XKR9: variants seen among roughly 807,000 people sequenced by gnomAD.
XKR9 encodes the protein XK-related protein 9.
A neutral mutation model predicts 32.0 loss-of-function variants in XKR9; 32 were observed. The observed-to-expected ratio is 1.00, with a 90% CI of 0.76 to 1.34. XKR9 has a LOEUF of 1.34. XKR9 is among the 40% of genes most tolerant of loss of function. XKR9 has a pLI of 0.00. For missense variants in XKR9, 546 were observed against 429.7 expected (o/e 1.27, Z -2.39); for synonymous variants, 168 against 143.4 (o/e 1.17, Z -1.22).
chr8:70,768,406 G>A (rs1226033352), intron 2 of XKR9, among the ~76,000 whole-genome samples: 1 of 152,126 alleles, frequency 6.6e-6, no homozygotes, highest in African/African-American at 2.4e-5. Flanking sequence ...GTTGATTTGG[G>A]GTGGAGAGTT....
downstream of XKR9, among the ~76,000 whole-genome samples, chr8:70,793,820 T>C (rs1171662770): frequency 6.6e-6 from 1 of 151,978 alleles, no homozygotes; most frequent in Non-Finnish European, 1.5e-5. Context: ...TTTTTCAAGA[T>C]TTCTTTGCCT....
Position 70,734,263 on chromosome 8 carries a change from A to G in XKR9, c.961A>G (p.Ile321Val), listed in dbSNP as rs775332328. 2 of 1,612,800 alleles carry G rather than the reference A, an allele frequency of 1.2e-6. No individual in the cohort carries two copies. The highest frequency in any genetic ancestry group is 1.7e-6 in the Non-Finnish European group (2 of 1,179,276). Residue 321 changes from isoleucine (I) to valine (V), a missense_variant, in exon 5 of 5, where the codon ATC (isoleucine) becomes GTC (valine). Transcript: ENST00000408926. ...TTTTAATCCAGACTATTTTATACCTATCAGTATAACTATAGTTCTTACTCT... is the reference window on the plus strand; with the variant it reads ...TTTTAATCCAGACTATTTTATACCTGTCAGTATAACTATAGTTCTTACTCT... ...TIFNPDYFIP[I>V]SITIVLTLLL... is the part of the protein sequence containing the mutation.
At chr8:70,797,947 C>T in the XKR9 span, among the ~76,000 whole-genome samples, 8 of 152,116 alleles carry the variant, frequency 5.3e-5, no homozygotes, top group Non-Finnish European at 1.2e-4. Flanking sequence ...TTTATCCAGT[C>T]TATTATTGAT....
At chr8:70,866,023 C>T in the XKR9 span, among the ~76,000 whole-genome samples, 4 of 152,186 alleles carry the variant, frequency 2.6e-5, no homozygotes, top group Non-Finnish European at 4.4e-5. Flanking sequence ...GAGCTGGTCA[C>T]AGTAAAAGAT....
the XKR9 span, among the ~76,000 whole-genome samples, chr8:71,013,897 C>T: frequency 6.6e-6 from 1 of 152,114 alleles, no homozygotes; most frequent in Non-Finnish European, 1.5e-5. Context: ...AGTGTGCTGC[C>T]TCATGTGTGT....
At chr8:70,811,148 G>C in the XKR9 span, among the ~76,000 whole-genome samples, 2 of 152,054 alleles carry the variant, frequency 1.3e-5, no homozygotes, top group Non-Finnish European at 2.9e-5. Context: ...ACTCAAAACC[G>C]CTCAACTACA....
the XKR9 span, among the ~76,000 whole-genome samples, chr8:70,854,627 G>A: frequency 2.6e-5 from 4 of 152,148 alleles, no homozygotes; most frequent in Non-Finnish European, 1.5e-5. Flanking sequence ...TATTGCCCAG[G>A]TTTTCTTCTA....
At chr8:70,820,882 G>A in the XKR9 span, among the ~76,000 whole-genome samples, 1 of 151,978 alleles carries the variant, frequency 6.6e-6, no homozygotes, top group African/African-American at 2.4e-5. Flanking sequence ...ATTTGGGTGG[G>A]GACACAAAGC....
chr8:70,741,433 A>T (rs1806980328), intron 2 of XKR9, among the ~76,000 whole-genome samples: 2 of 152,186 alleles, frequency 1.3e-5, no homozygotes, highest in African/African-American at 4.8e-5. Context: ...TTTATAAATT[A>T]CCCAGTCCCT....
At chr8:71,060,724 C>T in the XKR9 span, among the ~76,000 whole-genome samples, 1 of 152,074 alleles carries the variant, frequency 6.6e-6, no homozygotes, top group Non-Finnish European at 1.5e-5. Flanking sequence ...TATCTGAGAG[C>T]CAATTGATAA....
At chr8:71,013,891 T>C in the XKR9 span, among the ~76,000 whole-genome samples, 1 of 152,150 alleles carries the variant, frequency 6.6e-6, no homozygotes. Flanking sequence ...TCTAGGAGTG[T>C]GCTGCCTCAT....
At chr8:70,863,051 G>C in the XKR9 span, among the ~76,000 whole-genome samples, 2 of 152,138 alleles carry the variant, frequency 1.3e-5, no homozygotes, top group African/African-American at 4.8e-5. Flanking sequence ...GCGTGCAGTA[G>C]CAAGAAGGAG....
Position 70,734,184 on chromosome 8 carries a change from G to C in XKR9, c.882G>C (p.Arg294Ser). The C allele has an allele frequency of 1.1e-5, 17 of 1,613,284 alleles. No homozygotes were observed. Among genetic ancestry groups the C allele is most frequent in the Non-Finnish European group, 1.4e-5 (17 of 1,179,614 alleles). ...KCPMSCYYIV[R>S]VLGTLGILTV... ...CAATGTCTTGTTATTATATTGTTAG[G>C]GTACTGGGCACTTTGGGGATATTGA... The change falls in exon 5 of 5, where the codon AGG (arginine) becomes AGC (serine). Residue 294 changes from arginine to serine, a missense_variant. Coordinates refer to ENST00000408926, the MANE Select transcript of XKR9 (RefSeq NM_001011720.2).
At chr8:70,960,177 G>A in the XKR9 span, among the ~76,000 whole-genome samples, 11 of 151,880 alleles carry the variant, frequency 7.2e-5, no homozygotes, top group South Asian at 6.2e-4. Flanking sequence ...CCTGGGAGGC[G>A]GAGGTTGCAG....
chr8:70,990,733 A>AAGAGAGAGAGAGAGAGAG, the XKR9 span, among the ~76,000 whole-genome samples: 7 of 143,306 alleles, frequency 4.9e-5, no homozygotes, highest in South Asian at 2.3e-4. Flanking sequence ...TTGGCAGAAT[A>AAGAGAGAGAGAGAGAGAG]AGAGAGAGAG....
chr8:70,778,417 C>T (rs1252475639), intron 2 of XKR9, among the ~76,000 whole-genome samples: 1 of 152,024 alleles, frequency 6.6e-6, no homozygotes, highest in Non-Finnish European at 1.5e-5. Context: ...TTAGGATTGT[C>T]TTGTCTATGT....
chr8:71,001,935 G>C, the XKR9 span, among the ~76,000 whole-genome samples: 1 of 152,228 alleles, frequency 6.6e-6, no homozygotes, highest in East Asian at 1.9e-4. Flanking sequence ...AGCAGTTTCT[G>C]AATTGCTGTT....
chr8:70,675,296 T>A (rs775867485), intron 2 of XKR9, among the ~76,000 whole-genome samples: 1 of 152,122 alleles, frequency 6.6e-6, no homozygotes, highest in Non-Finnish European at 1.5e-5. Context: ...TTTGGTGGTG[T>A]GCACCTGTAG....
At chr8:70,805,269 C>A in the XKR9 span, among the ~76,000 whole-genome samples, 1 of 152,210 alleles carries the variant, frequency 6.6e-6, no homozygotes, top group African/African-American at 2.4e-5. Context: ...TGGAACTGTG[C>A]AACCCATGAA....
Sources: gnomAD v4.1 joint callset for allele counts (sites outside exome capture counted in the v4.1 genomes callset) on GRCh38, gnomAD v4.1.1 for gene constraint, MANE v1.5 for transcripts, NCBI Gene and HGNC (gene_info 2026-07-23, HGNC 2026-07-21) for gene names.